PDE7B: variants seen among roughly 807,000 people sequenced by gnomAD.
PDE7B encodes the protein 3',5'-cyclic-AMP phosphodiesterase 7B.
PDE7B carries 29 observed loss-of-function variants against 56.2 expected under a neutral mutation model. The observed-to-expected ratio is 0.52, with a 90% confidence interval of 0.38 to 0.70. The LOEUF is 0.70. PDE7B is among the 30% of genes least tolerant of loss of function. The pLI is 0.00. For missense variants in PDE7B, 490 were observed against 565.0 expected (o/e 0.87, Z 1.35); for synonymous variants, 197 against 196.9 (o/e 1.00, Z 0.00).
At chr6:136,179,378 A>G (rs1417300881) in intron 10 of PDE7B, among the ~76,000 whole-genome samples, 2 of 152,144 alleles carry the variant, frequency 1.3e-5, no homozygotes, top group Non-Finnish European at 2.9e-5. Flanking sequence ...AAATCCACTC[A>G]GGGCCATGAT....
intron 2 of PDE7B, among the ~76,000 whole-genome samples, chr6:136,068,777 A>G (rs2128213650): frequency 6.6e-6 from 1 of 152,324 alleles, no homozygotes; most frequent in African/African-American, 2.4e-5. Flanking sequence ...AGCAGGCTTC[A>G]GAGAGAATCG....
intron 2 of PDE7B, among the ~76,000 whole-genome samples, chr6:136,076,759 A>G (rs2128214630): frequency 6.6e-6 from 1 of 152,216 alleles, no homozygotes. Flanking sequence ...CATAATGTTG[A>G]AAGTATGCTA....
At chr6:135,955,634 G>C (rs889816468) in intron 2 of PDE7B, among the ~76,000 whole-genome samples, 4 of 152,140 alleles carry the variant, frequency 2.6e-5, no homozygotes, top group African/African-American at 7.2e-5. Context: ...ACTTTAGACA[G>C]ATCATCTGTT....
intron 3 of PDE7B, among the ~76,000 whole-genome samples, chr6:136,112,181 AG>A (rs1353030891): frequency 6.6e-6 from 1 of 152,156 alleles, no homozygotes; most frequent in Non-Finnish European, 1.5e-5. Context: ...TGGTCCCATT[AG>A]TCACAGCCCC....
At chr6:135,910,641 A>C (rs888261649) in intron 1 of PDE7B, among the ~76,000 whole-genome samples, 1 of 152,038 alleles carries the variant, frequency 6.6e-6, no homozygotes, top group African/African-American at 2.4e-5. Context: ...TGTACATTCT[A>C]TGAGTTTGGA....
intron 1 of PDE7B, among the ~76,000 whole-genome samples, chr6:135,908,541 TAAA>T (rs796699996): frequency 2.5e-4 from 38 of 151,788 alleles, no homozygotes; most frequent in African/African-American, 8.7e-4. Context: ...AAGAATATGT[TAAA>T]AAAAACAAAA....
intron 1 of PDE7B, among the ~76,000 whole-genome samples, chr6:135,886,119 T>G (rs182746613): frequency 6.6e-6 from 1 of 152,268 alleles, no homozygotes; most frequent in East Asian, 1.9e-4. Flanking sequence ...TAAACAGCAG[T>G]AGTCAAATGG....
At chr6:136,086,673 T>C (rs1777297292) in intron 2 of PDE7B, among the ~76,000 whole-genome samples, 1 of 152,206 alleles carries the variant, frequency 6.6e-6, no homozygotes, top group Non-Finnish European at 1.5e-5. Flanking sequence ...AATCTGACTA[T>C]GAGCGTGCAT....
chr6:135,927,723 G>A (rs888527334), intron 1 of PDE7B, among the ~76,000 whole-genome samples: 3 of 152,006 alleles, frequency 2.0e-5, no homozygotes, highest in Non-Finnish European at 4.4e-5. Context: ...CATTACATTG[G>A]CCTCAGCAAA....
intron 2 of PDE7B, among the ~76,000 whole-genome samples, chr6:136,054,352 A>G (rs1935578288): frequency 6.6e-6 from 1 of 152,164 alleles, no homozygotes; most frequent in African/African-American, 2.4e-5. Context: ...TTTGTCAAAG[A>G]TCAGATAGTT....
At chr6:136,147,187 T>A (rs1254966585) in intron 3 of PDE7B, among the ~76,000 whole-genome samples, 164 bp from the exon 4 acceptor site, 1 of 151,944 alleles carries the variant, frequency 6.6e-6, no homozygotes, top group East Asian at 1.9e-4. Flanking sequence ...ATATCAGGTA[T>A]GTTCATGAAA....
chr6:136,122,287 G>A (rs549759351), intron 3 of PDE7B, among the ~76,000 whole-genome samples: 2 of 152,262 alleles, frequency 1.3e-5, no homozygotes, highest in East Asian at 3.9e-4. Flanking sequence ...GAGCCACCAC[G>A]CCCAGCTATA....
At chr6:135,905,078 C>A (rs1003332930) in intron 1 of PDE7B, among the ~76,000 whole-genome samples, 18 of 152,124 alleles carry the variant, frequency 1.2e-4, no homozygotes, top group Non-Finnish European at 1.3e-4. Context: ...AGGGGCCTTG[C>A]ATTTTTATTT....
chr6:136,046,095 G>T (rs1776501075), intron 2 of PDE7B, among the ~76,000 whole-genome samples: 1 of 151,976 alleles, frequency 6.6e-6, no homozygotes, highest in Non-Finnish European at 1.5e-5. Flanking sequence ...TTCATTCAAA[G>T]AAGTCGATAG....
chr6:135,995,492 G>A (rs1015819723), intron 2 of PDE7B, among the ~76,000 whole-genome samples: 8 of 152,206 alleles, frequency 5.3e-5, no homozygotes, highest in African/African-American at 1.4e-4. Flanking sequence ...ACACTGATGA[G>A]TATGAGTCGA....
At position 136,176,540 on chromosome 6, in the gene PDE7B, G is replaced by T. The variant is rs187929975; in HGVS notation, c.804-2457G>T. On this transcript the variant is annotated intron_variant, in intron 9 of 12. Transcript: ENST00000308191. ...TATTTAACTAATCTCATAAATTTTTGTGATTTTTTTCCCCCACGGAATGCT... is the reference window on the plus strand; with the variant it reads ...TATTTAACTAATCTCATAAATTTTTTTGATTTTTTTCCCCCACGGAATGCT... Among the ~76,000 whole-genome samples the T allele has an allele frequency of 2.3e-4, 35 of 152,054 alleles. No individual in the cohort carries two copies. In the East Asian group the frequency reaches 6.8e-3, roughly 29 times the overall value.
intron 2 of PDE7B, among the ~76,000 whole-genome samples, chr6:136,105,430 T>A (rs1777630519): frequency 6.6e-6 from 1 of 152,200 alleles, no homozygotes; most frequent in African/African-American, 2.4e-5. Context: ...GCTCTATGAG[T>A]CTGAACAAAT....
At chr6:135,921,221 A>C (rs1774074049) in intron 1 of PDE7B, among the ~76,000 whole-genome samples, 1 of 152,120 alleles carries the variant, frequency 6.6e-6, no homozygotes, top group Non-Finnish European at 1.5e-5. Context: ...GTCAGTCTTC[A>C]TCCTAACCAT....
Position 136,192,108 on chromosome 6 carries a change from G to C in PDE7B, c.*268G>C. 1 of 488,558 alleles carries C rather than the reference G, an allele frequency of 2.0e-6. No individual in the cohort carries two copies. The highest frequency in any genetic ancestry group is 2.2e-5 in the South Asian group (1 of 45,208). The allele number at this position is 488,558 out of a possible 1,614,324, so 30.3% of individuals were successfully genotyped here. A position where few individuals can be genotyped will look rare whatever the true frequency, so the allele number is the denominator to read the frequency against. Reference sequence around the variant, plus strand: ...CCACGGGCAGGCTCTCCCTGCTCCAGGAGAAGACTAGGAGGAAGAATGAGG... The same window carrying C: ...CCACGGGCAGGCTCTCCCTGCTCCACGAGAAGACTAGGAGGAAGAATGAGG... On this transcript the variant is annotated 3_prime_UTR_variant, in exon 13 of 13. Transcript: ENST00000308191.
Sources: allele counts gnomAD v4.1 joint callset (sites outside exome capture counted in the v4.1 genomes callset), GRCh38; gene constraint gnomAD v4.1.1; transcripts MANE v1.5; gene names NCBI Gene and HGNC (gene_info 2026-07-23, HGNC 2026-07-21).